The following CADM3 variants were observed in gnomAD, a reference collection of about 807,000 sequenced individuals.
CADM3 encodes the protein TSLC1-like 1.
Under a neutral mutation model 44.9 loss-of-function variants are expected in CADM3, and 11 were observed. The ratio of observed to expected loss-of-function variants is 0.25; its 90% CI spans 0.15 to 0.41. The LOEUF (loss-of-function observed/expected upper bound fraction) is 0.41. Ranked by LOEUF, CADM3 falls within the 10% of genes least tolerant of loss-of-function variation. The pLI is 1.00. For missense variants in CADM3, 426 were observed against 512.0 expected, an observed-to-expected ratio of 0.83 and a Z score of 1.62; for synonymous variants, 207 against 205.2, an observed-to-expected ratio of 1.01 and a Z score of -0.08.
At chr1:159,189,216 G>A (rs1179682695) in intron 1 of CADM3, among the ~76,000 whole-genome samples, 3 of 152,164 alleles carry the variant, frequency 2.0e-5, no homozygotes, top group Non-Finnish European at 2.9e-5. Context: ...GACCCTGGGC[G>A]AGTCATTTCA....
chr1:159,200,635 A>G (rs1650144135), intron 8 of CADM3, among the ~76,000 whole-genome samples, 169 bp from the exon 9 acceptor site: 1 of 152,186 alleles, frequency 6.6e-6, no homozygotes, highest in Non-Finnish European at 1.5e-5. Context: ...TGGTCAGGTG[A>G]GGCATGTTGG....
intron 1 of CADM3, among the ~76,000 whole-genome samples, chr1:159,174,413 A>G (rs964549900): frequency 1.3e-5 from 2 of 152,186 alleles, no homozygotes; most frequent in Non-Finnish European, 2.9e-5. Context: ...GGCAATATGT[A>G]TATGTATCTT....
chr1:159,192,675 C>T lies in CADM3; in HGVS notation c.327C>T (p.Thr109=), dbSNP rs1649720409. 2 of 1,614,034 alleles carry T rather than the reference C, an allele frequency of 1.2e-6. No individual in the cohort carries two copies. The highest frequency in any genetic ancestry group is 1.3e-5 in the African/African-American group (1 of 74,916). Residue 109 remains threonine, a synonymous_variant, in exon 3 of 9, where the codon ACC becomes ACT. Transcript: ENST00000368125. ...CCCTGGCAGACGAGGGCGAGTACAC[C>T]TGCTCAATCTTCACTATGCCTGTGC... is the stretch of plus-strand genomic sequence containing the variant. ...NVALADEGEY[T]CSIFTMPVRT... is the part of the protein sequence containing the mutation.
At chr1:159,192,808 C>T in intron 3 of CADM3, 78 bp downstream of exon 3, 1 of 1,458,488 alleles carries the variant, frequency 6.9e-7, no homozygotes, top group East Asian at 2.3e-5. Flanking sequence ...CCTGAAGCAG[C>T]TGGGAGCCAG....
chr1:159,182,944 C>T (rs1649287925), intron 1 of CADM3, among the ~76,000 whole-genome samples: 1 of 152,194 alleles, frequency 6.6e-6, no homozygotes, highest in Non-Finnish European at 1.5e-5. Flanking sequence ...ATAAGCTTTT[C>T]ATTTTAACCC....
chr1:159,188,662 C>A (rs1265423196), intron 1 of CADM3, among the ~76,000 whole-genome samples: 1 of 152,098 alleles, frequency 6.6e-6, no homozygotes, highest in East Asian at 1.9e-4. Flanking sequence ...GGCGCTGCGG[C>A]GGGAGACCCT....
intron 1 of CADM3, among the ~76,000 whole-genome samples, chr1:159,190,559 A>T (rs144172948): frequency 5.1e-4 from 77 of 152,290 alleles, no homozygotes; most frequent in African/African-American, 1.8e-3. Context: ...ACAATTCTTA[A>T]TGCTGAAACT....
chr1:159,198,173 A>G (rs1261622933), intron 7 of CADM3: 1 of 152,228 alleles, frequency 6.6e-6, no homozygotes, highest in Non-Finnish European at 1.5e-5. Flanking sequence ...GCCTGGTGGT[A>G]GAAGGAGCTA....
intron 1 of CADM3, among the ~76,000 whole-genome samples, chr1:159,174,919 T>G (rs1391873902): frequency 1.3e-5 from 2 of 152,230 alleles, no homozygotes; most frequent in Non-Finnish European, 2.9e-5. Context: ...AGGGTAAAGA[T>G]AGATAGACGG....
In CADM3 at chr1:159,171,666, C is replaced by T. The variant is rs868280758; in HGVS notation, c.-100C>T. ...CCCGGGCTCCGAAGCGGCTCGGGGG[C>T]GCCCTTTCGGTCAACATCGTAGTCC... On this transcript the variant is annotated 5_prime_UTR_variant, in exon 1 of 9. Coordinates refer to ENST00000368125, the MANE Select transcript of CADM3 (RefSeq NM_001127173.3). 23 of 892,226 alleles carry T rather than the reference C, an allele frequency of 2.6e-5. No homozygotes were observed. The African/African-American group carries it at 3.8e-4, about 15-fold the overall frequency. The allele number at this position is 892,226 out of a possible 1,614,324, so 55.3% of individuals were successfully genotyped here.
chr1:159,192,856 T>C, intron 3 of CADM3, 126 bp downstream of exon 3: 2 of 919,646 alleles, frequency 2.2e-6, no homozygotes, highest in Non-Finnish European at 3.3e-6. Flanking sequence ...TCAGCCTGTG[T>C]TCCCCTGGCA....
chr1:159,173,123 C>G (rs1648882890), intron 1 of CADM3, among the ~76,000 whole-genome samples: 1 of 151,126 alleles, frequency 6.6e-6, no homozygotes, highest in Non-Finnish European at 1.5e-5. Context: ...TGGCTATGCC[C>G]GGCCAGATGC....
At position 159,191,883 on chromosome 1, in the gene CADM3, T is replaced by C. The variant is rs537634993; in HGVS notation, c.89-53T>C. 80 of 1,609,308 alleles carry C rather than the reference T, an allele frequency of 5.0e-5. 1 individual carries two copies. The South Asian group carries it at 7.6e-4, about 15-fold the overall frequency. The stretch of plus-strand genomic sequence containing the variant: ...GATGAGGTGTACTTTGGCTCAGAAA[T>C]GGGAGGAGGGGCTAGGGGTCCTCAG... On this transcript the variant is annotated intron_variant, in intron 1 of 8. Transcript: ENST00000368125.
chr1:159,175,833 A>G (rs941109035), intron 1 of CADM3, among the ~76,000 whole-genome samples: 1 of 152,232 alleles, frequency 6.6e-6, no homozygotes. Context: ...AATTCCAGAG[A>G]CAGCATCGCT....
At chr1:159,198,601 G>A (rs979726611) in intron 7 of CADM3, among the ~76,000 whole-genome samples, 1 of 152,124 alleles carries the variant, frequency 6.6e-6, no homozygotes, top group African/African-American at 2.4e-5. Context: ...GGAGACATAA[G>A]GTAGGAAAGA....
At chr1:159,189,482 A>G (rs1649558970) in intron 1 of CADM3, among the ~76,000 whole-genome samples, 1 of 152,208 alleles carries the variant, frequency 6.6e-6, no homozygotes, top group Admixed American at 6.5e-5. Context: ...AAGTGGGAGA[A>G]CTAGACTGGA....
At chr1:159,174,526 A>C (rs71579635) in intron 1 of CADM3, among the ~76,000 whole-genome samples, 1,771 of 152,362 alleles carry the variant, frequency 0.012, 18 homozygotes, top group Non-Finnish European at 0.019. Flanking sequence ...TTGTGGTAGC[A>C]TACCTATTCC....
intron 1 of CADM3, among the ~76,000 whole-genome samples, chr1:159,190,969 A>C (rs1649634874): frequency 6.6e-6 from 1 of 152,216 alleles, no homozygotes; most frequent in Admixed American, 6.5e-5. Context: ...CTACTGAGTC[A>C]CAGAGAGTCA....
rs200807809 is a variant in CADM3, at chr1:159,194,027, C to T, written c.678C>T (p.Arg226=). 21 of 1,613,098 alleles carry T rather than the reference C, an allele frequency of 1.3e-5. No individual in the cohort carries two copies. The highest frequency in any genetic ancestry group is 1.7e-5 in the Non-Finnish European group (20 of 1,179,416). ...LKGADRSTSQ[R]IEVLYTPTAM... is the part of the protein sequence containing the mutation. ...GAGCTGACAGATCCACCTCTCAACG[C>T]ATTGAAGTTTTATGTATGTCATGGG... Residue 226 remains arginine, a synonymous_variant, in exon 5 of 9, where the codon CGC becomes CGT. Coordinates refer to ENST00000368125, the MANE Select transcript of CADM3 (RefSeq NM_001127173.3).
Sources: allele counts gnomAD v4.1 joint callset (sites outside exome capture counted in the v4.1 genomes callset), GRCh38; gene constraint gnomAD v4.1.1; transcripts MANE v1.5; gene names NCBI Gene and HGNC (gene_info 2026-07-23, HGNC 2026-07-21).